The following C1QTNF3 variants were observed in gnomAD, a reference collection of about 807,000 sequenced individuals.
C1QTNF3 encodes C1q and TNF related 3, also known as complement C1q tumor necrosis factor-related protein 3.
Under a neutral mutation model 32.6 loss-of-function variants are expected in C1QTNF3, and 26 were observed. The ratio of observed to expected loss-of-function variants is 0.80; its 90% CI spans 0.58 to 1.11. The LOEUF is 1.11. C1QTNF3 is among the 50% of genes least tolerant of loss of function. The pLI is 0.00. For missense variants in C1QTNF3, 362 were observed against 398.2 expected (o/e 0.91, Z 0.77); for synonymous variants, 155 against 146.0 (o/e 1.06, Z -0.44).
chr5:34,113,422 C>A, the C1QTNF3 span, among the ~76,000 whole-genome samples: 2 of 151,340 alleles, frequency 1.3e-5, no homozygotes, highest in African/African-American at 4.8e-5. Context: ...CCTTTCTGTA[C>A]ATGAAGATCA....
At chr5:34,226,251 T>C in the C1QTNF3 span, among the ~76,000 whole-genome samples, 1 of 151,962 alleles carries the variant, frequency 6.6e-6, no homozygotes, top group South Asian at 2.1e-4. Flanking sequence ...AAAAATCCCA[T>C]TAATTTGTTA....
the C1QTNF3 span, among the ~76,000 whole-genome samples, chr5:34,147,804 A>G: frequency 1.3e-5 from 2 of 152,218 alleles, no homozygotes; most frequent in African/African-American, 4.8e-5. Context: ...ATGTACCCTC[A>G]TATCTAAACT....
chr5:34,100,097 A>G, the C1QTNF3 span, among the ~76,000 whole-genome samples: 2 of 151,700 alleles, frequency 1.3e-5, no homozygotes, highest in East Asian at 3.9e-4. Context: ...AACCACCGAC[A>G]GGTTCAGTGT....
At chr5:34,163,831 T>TTAAG in the C1QTNF3 span, among the ~76,000 whole-genome samples, 1 of 152,174 alleles carries the variant, frequency 6.6e-6, no homozygotes, top group Non-Finnish European at 1.5e-5. Context: ...CTTTAAAAAC[T>TTAAG]TAAGACATGT....
chr5:34,127,300 T>C, the C1QTNF3 span, among the ~76,000 whole-genome samples: 1 of 152,204 alleles, frequency 6.6e-6, no homozygotes, highest in East Asian at 1.9e-4. Context: ...ATGGGAAAGT[T>C]TGGAACTTCC....
the C1QTNF3 span, chr5:34,175,840 C>T: frequency 3.2e-5 from 25 of 786,308 alleles, no homozygotes; most frequent in South Asian, 1.9e-4. Flanking sequence ...GTCATGAAAT[C>T]GGCAAAATTC....
chr5:34,197,570 A>T, the C1QTNF3 span, among the ~76,000 whole-genome samples: 2 of 152,170 alleles, frequency 1.3e-5, no homozygotes, highest in African/African-American at 4.8e-5. Context: ...GCTTAAAATA[A>T]CAAATATGTA....
chr5:34,028,890 A>T lies in C1QTNF3; in HGVS notation c.571-7T>A, dbSNP rs375895254. ...GAGAAGCCATGAATGCAATCTAAGG[A>T]AAGAATTATTGGTCAATAAATAGGC... On this transcript the variant is annotated splice_region_variant and splice_polypyrimidine_tract_variant and intron_variant, in intron 3 of 5. Coordinates refer to ENST00000382065, the MANE Select transcript of C1QTNF3 (RefSeq NM_181435.6). 2.5e-5 allele frequency: 40 copies of T among 1,606,580 alleles called. No homozygotes were observed. The highest frequency in any genetic ancestry group is 1.4e-4 in the Admixed American group (8 of 58,964).
intron 3 of C1QTNF3, among the ~76,000 whole-genome samples, chr5:34,032,589 G>C (rs1246057618): frequency 2.0e-5 from 3 of 152,152 alleles, no homozygotes; most frequent in Non-Finnish European, 4.4e-5. Context: ...TTCAGGCCAG[G>C]AATTTGAGAC....
the C1QTNF3 span, among the ~76,000 whole-genome samples, chr5:34,074,233 A>G: frequency 1.3e-5 from 2 of 150,026 alleles, no homozygotes; most frequent in African/African-American, 2.5e-5. Flanking sequence ...AGATAAGAGC[A>G]GTCCCTGTTA....
At chr5:34,172,802 A>C in the C1QTNF3 span, among the ~76,000 whole-genome samples, 4 of 152,160 alleles carry the variant, frequency 2.6e-5, no homozygotes, top group Non-Finnish European at 4.4e-5. Flanking sequence ...TTATCTTTTA[A>C]TATCTTAAAA....
the C1QTNF3 span, among the ~76,000 whole-genome samples, chr5:34,243,339 G>T: frequency 6.6e-6 from 1 of 152,172 alleles, no homozygotes; most frequent in African/African-American, 2.4e-5. Context: ...AGAGTAAAGG[G>T]AATGCTTATA....
chr5:34,043,194 C>A lies in C1QTNF3; in HGVS notation c.-69G>T. ...GCTCCAGGAGCGTGGTCTCCTCGGG[C>A]AGATGCCAGGACTGGAGCTGAGAGC... On this transcript the variant is annotated 5_prime_UTR_variant, in exon 1 of 6. Transcript: ENST00000382065. 1 of 1,504,446 alleles carries A rather than the reference C, an allele frequency of 6.6e-7. No homozygotes were observed. Among genetic ancestry groups the A allele is most frequent in the Non-Finnish European group, 9.0e-7 (1 of 1,117,298 alleles). 93.2% of individuals were successfully genotyped at this position (1,504,446 alleles called of 1,614,324 possible).
At chr5:34,091,890 T>C in the C1QTNF3 span, among the ~76,000 whole-genome samples, 2 of 151,984 alleles carry the variant, frequency 1.3e-5, no homozygotes, top group South Asian at 4.2e-4. Context: ...TCATTCAATA[T>C]TTAGTGACAA....
the C1QTNF3 span, among the ~76,000 whole-genome samples, chr5:34,173,058 C>A: frequency 6.6e-6 from 1 of 152,084 alleles, no homozygotes; most frequent in South Asian, 2.1e-4. Context: ...TACTTTTGCA[C>A]TATGAAAATA....
chr5:34,239,000 A>G, the C1QTNF3 span, among the ~76,000 whole-genome samples: 23 of 152,356 alleles, frequency 1.5e-4, no homozygotes, highest in South Asian at 4.6e-3. Context: ...AACATCATTA[A>G]TGAAAATAAA....
chr5:34,197,885 C>T, the C1QTNF3 span, among the ~76,000 whole-genome samples: 1 of 152,026 alleles, frequency 6.6e-6, no homozygotes, highest in Admixed American at 6.6e-5. Context: ...AGATTACTGT[C>T]CTCTAGCTCA....
the C1QTNF3 span, among the ~76,000 whole-genome samples, chr5:34,137,361 T>C: frequency 2.6e-5 from 4 of 152,188 alleles, no homozygotes; most frequent in Non-Finnish European, 5.9e-5. Context: ...GCTTCAATAG[T>C]CATGAAAATG....
the C1QTNF3 span, among the ~76,000 whole-genome samples, chr5:34,178,103 CT>C: frequency 3.2e-5 from 2 of 63,124 alleles, no homozygotes; most frequent in African/African-American, 6.0e-5. Flanking sequence ...CTCATCTCTA[CT>C]AAAAAAAAAA....
Sources: allele counts gnomAD v4.1 joint callset (sites outside exome capture counted in the v4.1 genomes callset), GRCh38; gene constraint gnomAD v4.1.1; transcripts MANE v1.5; gene names NCBI Gene and HGNC (gene_info 2026-07-23, HGNC 2026-07-21).